The following DYNLT5 variants were observed in gnomAD, a reference collection of about 807,000 sequenced individuals.
The protein encoded by DYNLT5 is dynein light chain Tctex-type family member 5.
In DYNLT5, 25 loss-of-function variants were observed where a neutral mutation model predicts 19.3. That is an observed-to-expected ratio of 1.30 (90% CI 0.95 to 1.81). The LOEUF (loss-of-function observed/expected upper bound fraction) is 1.81, where lower values mean the gene tolerates loss of function less well. Among genes scored for constraint, DYNLT5 ranks in the 40% most tolerant of loss-of-function variants. The probability of loss-of-function intolerance (pLI) is 0.00; values close to 1 mark genes in which losing one functional copy is unlikely to be tolerated. For synonymous variants in DYNLT5, 82 were observed against 68.9 expected (o/e 1.19, Z -0.94); for missense variants, 232 against 217.9 (o/e 1.06, Z -0.41).
chr1:66,753,542 A>T (rs989551970), intron 1 of DYNLT5, among the ~76,000 whole-genome samples: 17 of 152,224 alleles, frequency 1.1e-4, no homozygotes, highest in Non-Finnish European at 2.4e-4. Context: ...AACTATGTAA[A>T]TGTTGCTCGA....
At chr1:66,776,140 G>C (rs1265551821) in intron 3 of DYNLT5, 139 bp from the exon 4 acceptor site, 2 of 1,137,434 alleles carry the variant, frequency 1.8e-6, no homozygotes, top group South Asian at 2.0e-5. Context: ...AACCTAATTA[G>C]AGCCACTTGT....
intron 2 of DYNLT5, among the ~76,000 whole-genome samples, chr1:66,767,455 G>C (rs951716592): frequency 1.3e-5 from 2 of 152,046 alleles, no homozygotes; most frequent in Non-Finnish European, 2.9e-5. Flanking sequence ...ATGGGGTTTT[G>C]CCATGTTACC....
In DYNLT5 at chr1:66,777,599, T is replaced by G. The variant is rs1468278051; in HGVS notation, c.*145T>G. On this transcript the variant is annotated 3_prime_UTR_variant, in exon 5 of 5. Transcript: ENST00000282670. ...TGGAAGCTTTTGAATTTTTTCATAT[T>G]CTAGTAAAGATTTGGGGAGGGGAGG... The G allele has an allele frequency of 1.5e-6, 1 of 647,970 alleles. No homozygotes were observed. The highest frequency in any genetic ancestry group is 2.5e-6 in the Non-Finnish European group (1 of 404,072). 40.1% of individuals were successfully genotyped at this position (647,970 alleles called of 1,614,324 possible).
At chr1:66,777,122 A>G (rs1645240901) in intron 4 of DYNLT5, 129 bp from the exon 5 acceptor site, 1 of 807,090 alleles carries the variant, frequency 1.2e-6, no homozygotes, top group South Asian at 2.2e-5. Context: ...TACGGTTCTA[A>G]AACAATCACT....
chr1:66,765,056 C>T (rs2094652220), intron 2 of DYNLT5, among the ~76,000 whole-genome samples: 1 of 152,126 alleles, frequency 6.6e-6, no homozygotes, highest in South Asian at 2.1e-4. Flanking sequence ...CAGTACTTCC[C>T]ACTGTGCCTG....
intron 4 of DYNLT5, 30 bp from the exon 5 acceptor site, chr1:66,777,221 T>A (rs763996349): frequency 2.5e-6 from 4 of 1,585,204 alleles, no homozygotes; most frequent in South Asian, 1.1e-5. Context: ...TGTAGCTGAA[T>A]GAAGACCCTC....
At chr1:66,762,913 A>C (rs922626641) in intron 2 of DYNLT5, among the ~76,000 whole-genome samples, 14 of 152,214 alleles carry the variant, frequency 9.2e-5, no homozygotes, top group African/African-American at 3.4e-4. Context: ...GGCAATGGAT[A>C]TCCCAGTTGT....
chr1:66,753,418 C>G (rs190919961), intron 1 of DYNLT5, among the ~76,000 whole-genome samples: 18 of 152,184 alleles, frequency 1.2e-4, no homozygotes, highest in Admixed American at 1.2e-3. Flanking sequence ...GAGTTATAGT[C>G]CAAGTTCTGG....
In DYNLT5 at chr1:66,777,575, G is replaced by T; in HGVS notation, c.*121G>T. On this transcript the variant is annotated 3_prime_UTR_variant, in exon 5 of 5. Coordinates refer to ENST00000282670, the MANE Select transcript of DYNLT5 (RefSeq NM_152665.3). ...AACAACACTGATATTTCAAGCAACT[G>T]GAAGCTTTTGAATTTTTTCATATTC... 1 of 790,506 alleles carries T rather than the reference G, an allele frequency of 1.3e-6. No individual in the cohort carries two copies. Among genetic ancestry groups the T allele is most frequent in the African/African-American group, 1.7e-5 (1 of 57,802 alleles). The allele number at this position is 790,506 out of a possible 1,614,324, so 49.0% of individuals were successfully genotyped here.
At chr1:66,770,325 T>C (rs1488120997) in intron 2 of DYNLT5, 62 bp from the exon 3 acceptor site, 6 of 1,067,308 alleles carry the variant, frequency 5.6e-6, no homozygotes, top group Non-Finnish European at 7.2e-6. Flanking sequence ...CTTAAAGCAA[T>C]ATTGTATTTT....
At chr1:66,768,529 C>T (rs774868323) in intron 2 of DYNLT5, 1 of 152,130 alleles carries the variant, frequency 6.6e-6, no homozygotes. Flanking sequence ...TTAAGCTGCC[C>T]TTATGACATT....
At chr1:66,764,169 C>G (rs570145810) in intron 2 of DYNLT5, among the ~76,000 whole-genome samples, 1 of 152,134 alleles carries the variant, frequency 6.6e-6, no homozygotes, top group African/African-American at 2.4e-5. Context: ...ACCTGGGTGA[C>G]AAAGCGAGAT....
chr1:66,776,374 T>C lies in DYNLT5; in HGVS notation c.307T>C (p.Cys103Arg). The change falls in exon 4 of 5, where the codon TGT becomes CGT. Residue 103 changes from cysteine to arginine, a missense_variant. By Grantham distance (180) the Cys-to-Arg change is radical. Transcript: ENST00000282670. ...AGTAGAAGAATATGAACCAGAGCTCTGTAGACAGATGACTAAAACCATTTC... is the reference window on the plus strand; with the variant it reads ...AGTAGAAGAATATGAACCAGAGCTCCGTAGACAGATGACTAAAACCATTTC... ...LQVEEYEPEL[C>R]RQMTKTISEV... The C allele has an allele frequency of 6.2e-7, 1 of 1,606,266 alleles. No homozygotes were observed. The highest frequency in any genetic ancestry group is 1.1e-5 in the South Asian group (1 of 89,122).
At chr1:66,770,635 T>C (rs1306103852) in intron 3 of DYNLT5, 157 bp downstream of exon 3, 6 of 727,444 alleles carry the variant, frequency 8.2e-6, no homozygotes, top group Non-Finnish European at 1.5e-5. Context: ...AGTTTCTTCC[T>C]CAGCAAAAAG....
intron 2 of DYNLT5, chr1:66,755,814 T>G (rs1161284762): frequency 1.3e-5 from 2 of 152,230 alleles, no homozygotes; most frequent in Non-Finnish European, 2.9e-5. Flanking sequence ...GCTTCTAAAC[T>G]TTTCTGGCTG....
intron 2 of DYNLT5, among the ~76,000 whole-genome samples, chr1:66,760,278 A>T (rs1421716571): frequency 6.6e-6 from 1 of 152,124 alleles, no homozygotes; most frequent in African/African-American, 2.4e-5. Flanking sequence ...AGCAGAGACC[A>T]TAGTTTGTTT....
intron 3 of DYNLT5, among the ~76,000 whole-genome samples, chr1:66,773,650 C>CA (rs11316751): frequency 4.9e-4 from 74 of 151,096 alleles, no homozygotes; most frequent in Middle Eastern, 6.8e-3. Context: ...TTAATTCTAA[C>CA]AAAAAAAAAT....
intron 2 of DYNLT5, among the ~76,000 whole-genome samples, chr1:66,757,883 A>G (rs2094639187): frequency 6.6e-6 from 1 of 152,214 alleles, no homozygotes; most frequent in African/African-American, 2.4e-5. Context: ...AGCCATTCCT[A>G]TTCACTTGTG....
In DYNLT5 at chr1:66,778,769, A is replaced by G. The variant is rs1408556050; in HGVS notation, c.*1315A>G. On this transcript the variant is annotated 3_prime_UTR_variant, in exon 5 of 5. Transcript: ENST00000282670. ...TCCCTTCTGCTATTTTCTGGCTTTT[A>G]AAGTGATTATTCAAAATGAATTTGT... The G allele has an allele frequency of 6.6e-6, 1 of 151,838 alleles. No individual in the cohort carries two copies. The highest frequency in any genetic ancestry group is 1.9e-4 in the East Asian group (1 of 5,188). The allele number at this position is 151,838 out of a possible 1,614,324, so 9.4% of individuals were successfully genotyped here.
Sources: allele counts gnomAD v4.1 joint callset (sites outside exome capture counted in the v4.1 genomes callset), GRCh38; gene constraint gnomAD v4.1.1; transcripts MANE v1.5; gene names NCBI Gene and HGNC (gene_info 2026-07-23, HGNC 2026-07-21).